The following LIMS1 variants were observed in gnomAD, a reference collection of about 807,000 sequenced individuals.
LIMS1 encodes the protein LIM and senescent cell antigen-like-containing domain protein 1.
In LIMS1, 18 loss-of-function variants were observed where a neutral mutation model predicts 44.1. The ratio of observed to expected loss-of-function variants is 0.41; its 90% confidence interval spans 0.28 to 0.61. The LOEUF (loss-of-function observed/expected upper bound fraction) is 0.61, where lower values mean the gene tolerates loss of function less well. LIMS1 is among the 20% of genes least tolerant of loss of function. The pLI, the probability that LIMS1 is intolerant of heterozygous loss-of-function variation, is 0.32. For synonymous variants in LIMS1, 93 were observed against 149.1 expected (o/e 0.62, Z 2.74); for missense variants, 201 against 422.0 (o/e 0.48, Z 4.59).
intron 1 of LIMS1, among the ~76,000 whole-genome samples, chr2:108,626,327 T>G (rs1688573718): frequency 1.3e-5 from 2 of 152,326 alleles, no homozygotes; most frequent in South Asian, 4.1e-4. Context: ...TCAGTGAGGG[T>G]ACATTTAGTC....
intron 1 of LIMS1, among the ~76,000 whole-genome samples, chr2:108,634,608 C>T (rs939178833): frequency 1.3e-5 from 2 of 152,180 alleles, no homozygotes; most frequent in Admixed American, 1.3e-4. Context: ...TCTGGAGAGA[C>T]GCCACACACA....
intron 2 of LIMS1, among the ~76,000 whole-genome samples, chr2:108,668,007 G>A (rs149089840): frequency 0.011 from 1,717 of 151,678 alleles, 9 homozygotes; most frequent in Non-Finnish European, 0.017. Context: ...TTGGTTGATC[G>A]AATCCAAGGA....
At chr2:108,594,319 A>G (rs1167771258) in intron 1 of LIMS1, among the ~76,000 whole-genome samples, 2 of 152,220 alleles carry the variant, frequency 1.3e-5, no homozygotes, top group Non-Finnish European at 2.9e-5. Flanking sequence ...GACTAACCCC[A>G]AGATGACTAA....
intron 1 of LIMS1, among the ~76,000 whole-genome samples, chr2:108,550,974 T>C (rs1684670281): frequency 6.6e-6 from 1 of 151,838 alleles, no homozygotes; most frequent in African/African-American, 2.4e-5. Flanking sequence ...AAAATTGTTT[T>C]CTAATTCAGC....
intron 1 of LIMS1, among the ~76,000 whole-genome samples, chr2:108,563,859 G>C (rs1685204264): frequency 6.6e-6 from 1 of 152,020 alleles, no homozygotes; most frequent in Non-Finnish European, 1.5e-5. Context: ...AGGAATTTGA[G>C]ATGTGCCTGG....
intron 1 of LIMS1, among the ~76,000 whole-genome samples, chr2:108,578,126 G>A (rs545761058): frequency 7.0e-4 from 107 of 152,256 alleles, no homozygotes; most frequent in Non-Finnish European, 1.1e-3. Context: ...GGCCAGGCTG[G>A]TCTCGAACTC....
intron 1 of LIMS1, among the ~76,000 whole-genome samples, chr2:108,603,495 CTTTTTTTT>C (rs55909729): frequency 3.4e-5 from 3 of 88,216 alleles, no homozygotes; most frequent in Admixed American, 1.7e-4. Context: ...TTTTCATCGC[CTTTTTTTT>C]TTTTTTTTTT....
At chr2:108,559,876 C>G (rs779656232) in intron 1 of LIMS1, among the ~76,000 whole-genome samples, 1 of 152,194 alleles carries the variant, frequency 6.6e-6, no homozygotes, top group Non-Finnish European at 1.5e-5. Flanking sequence ...TCACTCTGAG[C>G]ACAAATATTT....
chr2:108,621,263 G>A (rs1688219065), intron 1 of LIMS1: 1 of 1,522,316 alleles, frequency 6.6e-7, no homozygotes, highest in Non-Finnish European at 8.8e-7. Flanking sequence ...GTGTGCTGAG[G>A]TCCCTCGGCA....
chr2:108,649,024 A>G (rs925181774), intron 1 of LIMS1, among the ~76,000 whole-genome samples: 4 of 152,218 alleles, frequency 2.6e-5, no homozygotes, highest in Admixed American at 6.5e-5. Flanking sequence ...AGCAGAAGAA[A>G]CAATCATCAG....
intron 1 of LIMS1, among the ~76,000 whole-genome samples, chr2:108,590,968 C>A (rs959526025): frequency 2.0e-5 from 3 of 152,092 alleles, no homozygotes; most frequent in Non-Finnish European, 2.9e-5. Context: ...GAAAGAAATT[C>A]AAAAATTATC....
chr2:108,566,826 A>C (rs557972793), intron 1 of LIMS1, among the ~76,000 whole-genome samples: 1 of 152,158 alleles, frequency 6.6e-6, no homozygotes, highest in South Asian at 2.1e-4. Flanking sequence ...CAAACTCCTG[A>C]CCTCAGGTGA....
At chr2:108,546,595 A>G (rs1684489229) in intron 1 of LIMS1, among the ~76,000 whole-genome samples, 1 of 151,408 alleles carries the variant, frequency 6.6e-6, no homozygotes, top group Non-Finnish European at 1.5e-5. Context: ...TTGGCATTCC[A>G]TCATTAATGT....
intron 1 of LIMS1, among the ~76,000 whole-genome samples, chr2:108,595,730 C>T (rs1277181092): frequency 6.6e-6 from 1 of 152,128 alleles, no homozygotes; most frequent in Non-Finnish European, 1.5e-5. Flanking sequence ...GTTCCTTCAT[C>T]TGAAAAATGA....
At chr2:108,606,333 C>G (rs888879609) in intron 1 of LIMS1, among the ~76,000 whole-genome samples, 2 of 152,210 alleles carry the variant, frequency 1.3e-5, no homozygotes, top group Non-Finnish European at 2.9e-5. Flanking sequence ...AGCTGAAGGT[C>G]AGACTTTACA....
intron 1 of LIMS1, among the ~76,000 whole-genome samples, chr2:108,562,345 T>G (rs532003275): frequency 9.2e-5 from 14 of 152,176 alleles, no homozygotes; most frequent in Non-Finnish European, 1.6e-4. Flanking sequence ...GAGGAAGGCA[T>G]GTTGAAAGCC....
intron 1 of LIMS1, among the ~76,000 whole-genome samples, chr2:108,556,386 A>G (rs1332752517): frequency 1.3e-5 from 2 of 152,156 alleles, no homozygotes; most frequent in Admixed American, 6.6e-5. Flanking sequence ...TATTGTGAGT[A>G]ATGTCACTTA....
intron 1 of LIMS1, among the ~76,000 whole-genome samples, chr2:108,581,952 CA>C (rs1685903499): frequency 6.8e-6 from 1 of 147,014 alleles, no homozygotes; most frequent in Non-Finnish European, 1.5e-5. Flanking sequence ...AAAAAAAAAA[CA>C]AACAAAAAAT....
intron 9 of LIMS1, chr2:108,681,375 C>G (rs886209905): frequency 9.1e-6 from 9 of 983,900 alleles, no homozygotes; most frequent in Non-Finnish European, 1.1e-5. Context: ...TTCACTTACT[C>G]TGTAGACTCA....
Sources: allele counts gnomAD v4.1 joint callset (sites outside exome capture counted in the v4.1 genomes callset), GRCh38; gene constraint gnomAD v4.1.1; transcripts MANE v1.5; gene names NCBI Gene and HGNC (gene_info 2026-07-23, HGNC 2026-07-21).